The following PHF14 variants were observed in gnomAD, a reference collection of about 807,000 sequenced individuals.
PHF14 encodes the protein PHD finger protein 14.
A neutral mutation model predicts 117.9 loss-of-function variants in PHF14; 55 were observed. That is an observed-to-expected ratio of 0.47 (90% CI 0.38 to 0.58). The LOEUF (loss-of-function observed/expected upper bound fraction) is 0.58, where lower values mean the gene tolerates loss of function less well. PHF14 is among the 20% of genes least tolerant of loss of function. The pLI is 0.00. For synonymous variants in PHF14, 409 were observed against 368.6 expected, an observed-to-expected ratio of 1.11 and a Z score of -1.26; for missense variants, 978 against 1,122.2, an observed-to-expected ratio of 0.87 and a Z score of 1.84.
chr7:11,114,920 T>G lies in PHF14; in HGVS notation c.2772+3453T>G, dbSNP rs1233376717. The stretch of plus-strand genomic sequence containing the variant: ...CTACCTGTCACCCTGCATTAGGGCT[T>G]TTTTTTCTTGCCCTTTACTGTGTTG... On this transcript the variant is annotated intron_variant, in intron 17 of 17. Coordinates refer to ENST00000634607, the MANE Select transcript of PHF14 (RefSeq NM_001007157.2). Among the ~76,000 whole-genome samples, 3 of 152,184 alleles carry G rather than the reference T, an allele frequency of 2.0e-5. No individual in the cohort carries two copies. In the East Asian group the frequency reaches 5.8e-4, roughly 29 times the overall value.
At chr7:11,081,063 A>ATG (rs955753853) in intron 16 of PHF14, among the ~76,000 whole-genome samples, 7 of 152,048 alleles carry the variant, frequency 4.6e-5, no homozygotes, top group African/African-American at 1.7e-4. Context: ...ATATGTATAT[A>ATG]TGTGTGTGTG....
chr7:11,019,597 T>A (rs1251700931), intron 5 of PHF14, among the ~76,000 whole-genome samples: 2 of 152,182 alleles, frequency 1.3e-5, no homozygotes, highest in African/African-American at 4.8e-5. Flanking sequence ...TCTCCTTTTT[T>A]ATTTCTAATT....
intron 16 of PHF14, among the ~76,000 whole-genome samples, chr7:11,088,524 A>G: frequency 6.6e-6 from 1 of 152,194 alleles, no homozygotes; most frequent in Admixed American, 6.5e-5. Flanking sequence ...CCATTTTTAA[A>G]TGTCTTTTAT....
intron 17 of PHF14, among the ~76,000 whole-genome samples, chr7:11,157,119 T>C (rs1238893696): frequency 6.6e-6 from 1 of 152,200 alleles, no homozygotes; most frequent in Non-Finnish European, 1.5e-5. Flanking sequence ...CATGCCTCTC[T>C]ACCACACTGG....
At chr7:11,031,272 C>T (rs1784112862) in intron 7 of PHF14, among the ~76,000 whole-genome samples, 1 of 151,718 alleles carries the variant, frequency 6.6e-6, no homozygotes, top group Non-Finnish European at 1.5e-5. Context: ...TTTTTTATGA[C>T]TTTGTATAGC....
chr7:11,148,535 T>C (rs1788617055), intron 17 of PHF14, among the ~76,000 whole-genome samples: 1 of 152,196 alleles, frequency 6.6e-6, no homozygotes, highest in Non-Finnish European at 1.5e-5. Context: ...TGTGCTCCCA[T>C]ACTTTCTGTC....
At chr7:11,115,559 CTT>C (rs1787573735) in intron 17 of PHF14, among the ~76,000 whole-genome samples, 1 of 151,886 alleles carries the variant, frequency 6.6e-6, no homozygotes. Flanking sequence ...CATACCTCTG[CTT>C]GAAATCTGTC....
Position 11,169,614 on chromosome 7 carries a change from T to C in PHF14, c.*124T>C. On this transcript the variant is annotated 3_prime_UTR_variant, in exon 18 of 18. Coordinates refer to ENST00000634607, the MANE Select transcript of PHF14 (RefSeq NM_001007157.2). ...ATGTTCTCAATAAAGTCATTCAAAA[T>C]GAAATAGGAGCTTGTATTTGGAATT... 2.2e-6 allele frequency: 1 copy of C among 459,720 alleles called. No individual in the cohort carries two copies. The highest frequency in any genetic ancestry group is 5.8e-4 in the Middle Eastern group (1 of 1,710). 28.5% of individuals were successfully genotyped at this position (459,720 alleles called of 1,614,324 possible).
At chr7:11,102,589 A>G in intron 16 of PHF14, 6 of 1,590,400 alleles carry the variant, frequency 3.8e-6, no homozygotes, top group Non-Finnish European at 5.1e-6. Flanking sequence ...AACTCTCGAT[A>G]GAGTACATAA....
chr7:11,030,333 C>T (rs1784079676), intron 7 of PHF14, among the ~76,000 whole-genome samples: 1 of 152,090 alleles, frequency 6.6e-6, no homozygotes, highest in East Asian at 1.9e-4. Flanking sequence ...TAGTTGTCTA[C>T]TTCTGGAAAA....
chr7:11,106,923 CAT>C, intron 16 of PHF14: 1 of 983,294 alleles, frequency 1.0e-6, no homozygotes, highest in Non-Finnish European at 1.2e-6. Flanking sequence ...GTTCCATTGG[CAT>C]AAAAGATAAT....
intron 16 of PHF14, among the ~76,000 whole-genome samples, chr7:11,069,671 C>T (rs1026803008): frequency 2.5e-4 from 32 of 129,500 alleles, no homozygotes; most frequent in African/African-American, 8.4e-4. Context: ...CTTTCCGTCC[C>T]CTCCCTTTCC....
intron 17 of PHF14, among the ~76,000 whole-genome samples, chr7:11,131,144 T>C (rs192229484): frequency 2.6e-5 from 4 of 152,056 alleles, no homozygotes; most frequent in Admixed American, 2.6e-4. Context: ...ACTATAAACA[T>C]TCAGGTACAA....
rs561059291 is a variant in PHF14 at position 11,148,883 on chromosome 7, T to C, written c.2773-20533T>C. ...ATTTTTGGAAATATATTTTAAACTTTATAATAACTGTAGCTAACATTGTTT... is the reference window on the plus strand; with the variant it reads ...ATTTTTGGAAATATATTTTAAACTTCATAATAACTGTAGCTAACATTGTTT... On this transcript the variant is annotated intron_variant, in intron 17 of 17. Transcript: ENST00000634607. Among the ~76,000 whole-genome samples, 4 of 152,374 alleles carry C rather than the reference T, an allele frequency of 2.6e-5. No individual in the cohort carries two copies. In the South Asian group the frequency reaches 8.3e-4, roughly 32 times the overall value.
At chr7:11,077,251 T>C (rs908007827) in intron 16 of PHF14, among the ~76,000 whole-genome samples, 3 of 151,926 alleles carry the variant, frequency 2.0e-5, no homozygotes, top group Non-Finnish European at 4.4e-5. Context: ...GGCATAATTA[T>C]GTAAAAATGT....
Position 11,104,406 on chromosome 7 carries a change from C to T in PHF14, c.2655-6944C>T, listed in dbSNP as rs533127646. 20 of 950,368 alleles carry T rather than the reference C, an allele frequency of 2.1e-5. No individual in the cohort carries two copies. In the South Asian group the frequency reaches 9.3e-4, roughly 44 times the overall value. The allele number at this position is 950,368 out of a possible 1,614,324, so 58.9% of individuals were successfully genotyped here. A position where few individuals can be genotyped will look rare whatever the true frequency, so the allele number is the denominator to read the frequency against. On this transcript the variant is annotated intron_variant, in intron 16 of 17. Coordinates refer to ENST00000634607, the MANE Select transcript of PHF14 (RefSeq NM_001007157.2). ...TTCTCCTAATAATCTCTTAAATGCT[C>T]TCATATCCACAGTATAAAATTATTC... is the stretch of plus-strand genomic sequence containing the variant.
At chr7:11,024,155 A>G (rs1035783448) in intron 6 of PHF14, among the ~76,000 whole-genome samples, 11 of 152,322 alleles carry the variant, frequency 7.2e-5, no homozygotes, top group African/African-American at 2.2e-4. Context: ...CAGCCACAAC[A>G]TTCCCTTAAG....
At chr7:11,078,847 A>G (rs1295726958) in intron 16 of PHF14, among the ~76,000 whole-genome samples, 3 of 152,106 alleles carry the variant, frequency 2.0e-5, no homozygotes, top group African/African-American at 7.2e-5. Context: ...AATCTGAAAA[A>G]TTTGTCTTTT....
intron 16 of PHF14, among the ~76,000 whole-genome samples, chr7:11,089,431 C>T (rs1786554475): frequency 6.6e-6 from 1 of 152,124 alleles, no homozygotes; most frequent in African/African-American, 2.4e-5. Context: ...TGGCTCATAC[C>T]TGTAATCCCA....
Sources: allele counts gnomAD v4.1 joint callset (sites outside exome capture counted in the v4.1 genomes callset), GRCh38; gene constraint gnomAD v4.1.1; transcripts MANE v1.5; gene names NCBI Gene and HGNC (gene_info 2026-07-23, HGNC 2026-07-21).